Variants in PRDM8 observed in about 807,000 individuals in gnomAD.
PRDM8 encodes the protein PR domain zinc finger protein 8.
PRDM8 carries 13 observed loss-of-function variants against 46.5 expected under a neutral mutation model. The ratio of observed to expected loss-of-function variants is 0.28; its 90% CI spans 0.18 to 0.44. The LOEUF (loss-of-function observed/expected upper bound fraction) is 0.44, where lower values mean the gene tolerates loss of function less well. Among genes scored for constraint, PRDM8 ranks in the 20% least tolerant of loss-of-function variants. The probability of loss-of-function intolerance (pLI) is 1.00; values close to 1 mark genes in which losing one functional copy is unlikely to be tolerated. For synonymous variants in PRDM8, 473 were observed against 438.4 expected, an observed-to-expected ratio of 1.08 and a Z score of -0.98; for missense variants, 998 against 955.0, an observed-to-expected ratio of 1.04 and a Z score of -0.59.
At position 80,203,228 on chromosome 4, in the gene PRDM8, CTG is replaced by C; in HGVS notation, c.1767_1768del (p.Ala590SerfsTer83). 2 of 1,555,952 alleles carry C rather than the reference CTG, an allele frequency of 1.3e-6. No homozygotes were observed. On this transcript the variant is annotated frameshift_variant, in exon 4 of 4. Transcript: ENST00000415738. LOFTEE classifies it high-confidence loss of function. ...TTCTGGCCCAAGAGCTCCGCTGCCG[CTG>C]CAGCCGCGGCTGCGGCGGCGGCCGC...
At chr4:80,186,799 C>G (rs1737130144) in intron 1 of PRDM8, among the ~76,000 whole-genome samples, 1 of 152,226 alleles carries the variant, frequency 6.6e-6, no homozygotes, top group African/African-American at 2.4e-5. Flanking sequence ...ATAATGCGGC[C>G]TTTCTTCTGC....
At position 80,202,194 on chromosome 4, in the gene PRDM8, C is replaced by T. The variant is rs1191184368; in HGVS notation, c.732C>T (p.Ser244=). 5.0e-6 allele frequency: 8 copies of T among 1,611,968 alleles called. No homozygotes were observed. In the African/African-American group the frequency reaches 8.0e-5, roughly 16 times the overall value. Residue 244 remains serine (S), a synonymous_variant, in exon 4 of 4, where the codon AGC becomes AGT. Transcript: ENST00000415738. ...ACCCATCCCCCTCCCCGGAAAGCAG[C>T]AACCCATCCGCTGCCGCCGGCGGCA... ...HHYPSPSPES[S]NPSAAAGGSS... is the part of the protein sequence containing the mutation.
upstream of PRDM8, among the ~76,000 whole-genome samples, chr4:80,195,851 A>G (rs1228297111): frequency 6.6e-6 from 1 of 151,544 alleles, no homozygotes; most frequent in Non-Finnish European, 1.5e-5. Context: ...GCTTAATTCT[A>G]GGCAGCAATT....
upstream of PRDM8, among the ~76,000 whole-genome samples, chr4:80,192,735 G>A (rs1479959342): frequency 6.6e-6 from 1 of 152,222 alleles, no homozygotes; most frequent in Non-Finnish European, 1.5e-5. Context: ...AACCCAGGGG[G>A]TTGAAATAGT....
rs757742321 is a variant in PRDM8 at position 80,202,125 on chromosome 4, A to G, written c.663A>G (p.Leu221=). The change falls in exon 4 of 4, where the codon TTA becomes TTG. Residue 221 remains leucine, a synonymous_variant. Coordinates refer to ENST00000415738, the MANE Select transcript of PRDM8 (RefSeq NM_001099403.2). ...DQQQQQQEAP[L]GPGPKFCKAG... The stretch of plus-strand genomic sequence containing the variant: ...AGCAGCAGCAGCAGGAGGCACCTTT[A>G]GGCCCGGGTCCCAAGTTTTGCAAAG... 68 of 1,603,656 alleles carry G rather than the reference A, an allele frequency of 4.2e-5. No homozygotes were observed. The highest frequency in any genetic ancestry group is 5.7e-5 in the Non-Finnish European group (67 of 1,176,822).
Position 80,203,755 on chromosome 4 carries a change from C to G in PRDM8, c.*223C>G, listed in dbSNP as rs1738778599. 3 of 502,232 alleles carry G rather than the reference C, an allele frequency of 6.0e-6. No homozygotes were observed. The East Asian group carries it at 1.2e-4, about 20-fold the overall frequency. The allele number at this position is 502,232 out of a possible 1,614,324, so 31.1% of individuals were successfully genotyped here. The stretch of plus-strand genomic sequence containing the variant: ...GGACACACACCCCCCCCCACACACA[C>G]ACACAGACACACTCACACACAAGAG... On this transcript the variant is annotated 3_prime_UTR_variant, in exon 4 of 4. Coordinates refer to ENST00000415738, the MANE Select transcript of PRDM8 (RefSeq NM_001099403.2).
At chr4:80,196,400 G>A, upstream of PRDM8, 1 of 985,492 alleles carries the variant, frequency 1.0e-6, no homozygotes, top group Non-Finnish European at 1.2e-6. Context: ...CCCCAGCGAC[G>A]TGGTGTTGCA....
At position 80,203,766 on chromosome 4, in the gene PRDM8, A is replaced by C; in HGVS notation, c.*234A>C. 2.5e-6 allele frequency: 1 copy of C among 406,136 alleles called. No individual in the cohort carries two copies. Among genetic ancestry groups the C allele is most frequent in the Non-Finnish European group, 4.3e-6 (1 of 233,728 alleles). The allele number at this position is 406,136 out of a possible 1,614,324, so 25.2% of individuals were successfully genotyped here. A position where few individuals can be genotyped will look rare whatever the true frequency, so the allele number is the denominator to read the frequency against. On this transcript the variant is annotated 3_prime_UTR_variant, in exon 4 of 4. Transcript: ENST00000415738. The stretch of plus-strand genomic sequence containing the variant: ...CCCCCCCACACACACACACAGACAC[A>C]CTCACACACAAGAGCCAGGATGGTG...
chr4:80,186,916 C>T (rs936866782), intron 1 of PRDM8, among the ~76,000 whole-genome samples: 1 of 152,162 alleles, frequency 6.6e-6, no homozygotes, highest in African/African-American at 2.4e-5. Flanking sequence ...TTCCCTGCTT[C>T]GGGAGCAGCA....
At chr4:80,198,901 A>C (rs11099078) in intron 1 of PRDM8, among the ~76,000 whole-genome samples, 40,992 of 149,688 alleles carry the variant, frequency 0.27, 6,120 homozygotes, top group East Asian at 0.62. Flanking sequence ...TTGGAGGAAT[A>C]TTTTGATTAG....
Position 80,203,337 on chromosome 4 carries a change from C to T in PRDM8, c.1875C>T (p.Asn625=), listed in dbSNP as rs369934620. Residue 625 remains asparagine, a synonymous_variant, in exon 4 of 4, where the codon AAC becomes AAT. Coordinates refer to ENST00000415738, the MANE Select transcript of PRDM8 (RefSeq NM_001099403.2). ...SFTSLCLPAQ[N]WCAKCNASFR... is the part of the protein sequence containing the mutation. The stretch of plus-strand genomic sequence containing the variant: ...CCTCGCTGTGTCTGCCCGCGCAGAA[C>T]TGGTGCGCCAAGTGCAATGCCTCCT... 1 of 1,613,842 alleles carries T rather than the reference C, an allele frequency of 6.2e-7. No homozygotes were observed. The highest frequency in any genetic ancestry group is 1.3e-5 in the African/African-American group (1 of 74,942).
chr4:80,201,570 G>A (rs780273478), intron 3 of PRDM8, 49 bp downstream of exon 3: 1 of 1,568,480 alleles, frequency 6.4e-7, no homozygotes, highest in South Asian at 1.1e-5. Flanking sequence ...GCGGGGGAGA[G>A]ACGCAGGGAG....
chr4:80,187,225 G>A (rs183177710), intron 1 of PRDM8, among the ~76,000 whole-genome samples: 90 of 139,998 alleles, frequency 6.4e-4, no homozygotes, highest in African/African-American at 2.5e-3. Flanking sequence ...GGTTGTTGCT[G>A]TATCAGCATT....
intron 1 of PRDM8, among the ~76,000 whole-genome samples, chr4:80,186,266 G>A (rs939748600): frequency 4.8e-5 from 7 of 145,232 alleles, no homozygotes; most frequent in Non-Finnish European, 9.1e-5. Context: ...CAGGTTTAAA[G>A]TCTGGGCCTT....
At chr4:80,195,485 A>G (rs748559717), upstream of PRDM8, among the ~76,000 whole-genome samples, 1 of 150,020 alleles carries the variant, frequency 6.7e-6, no homozygotes, top group Non-Finnish European at 1.5e-5. Flanking sequence ...TTAGGGGACC[A>G]TGTGTCCATA....
upstream of PRDM8, chr4:80,197,035 G>C (rs1738011617): frequency 1.0e-6 from 1 of 985,304 alleles, no homozygotes; most frequent in Non-Finnish European, 1.2e-6. Flanking sequence ...AACTAGCTGC[G>C]CAAATCAGCG....
chr4:80,185,711 T>C (rs940772999), intron 1 of PRDM8, among the ~76,000 whole-genome samples: 10 of 152,054 alleles, frequency 6.6e-5, no homozygotes, highest in Non-Finnish European at 1.2e-4. Flanking sequence ...TACGGATGAG[T>C]TCAGAGTTTG....
At chr4:80,196,022 C>A (rs932685817), upstream of PRDM8, 15 of 981,660 alleles carry the variant, frequency 1.5e-5, no homozygotes, top group Non-Finnish European at 1.8e-5. Context: ...GCAAAATCCT[C>A]CCCTGGCCTC....
chr4:80,202,035 C>A lies in PRDM8; in HGVS notation c.573C>A (p.Asp191Glu). Residue 191 changes from aspartate (D) to glutamate (E), a missense_variant, in exon 4 of 4, where the codon GAC becomes GAA. Transcript: ENST00000415738. ...RLHSADISPQDEQGGGVGTKD... is the reference protein window; with the variant it reads ...RLHSADISPQEEQGGGVGTKD... ...ACAGCGCTGATATAAGTCCCCAAGACGAACAAGGCGGCGGCGTGGGCACCA... is the reference window on the plus strand; with the variant it reads ...ACAGCGCTGATATAAGTCCCCAAGAAGAACAAGGCGGCGGCGTGGGCACCA... 1 of 1,614,128 alleles carries A rather than the reference C, an allele frequency of 6.2e-7. No individual in the cohort carries two copies. Among genetic ancestry groups the A allele is most frequent in the South Asian group, 1.1e-5 (1 of 91,078 alleles).
Sources: gnomAD v4.1 joint callset for allele counts (sites outside exome capture counted in the v4.1 genomes callset) on GRCh38, gnomAD v4.1.1 for gene constraint, MANE v1.5 for transcripts, NCBI Gene and HGNC (gene_info 2026-07-23, HGNC 2026-07-21) for gene names.